Variants in SAMD3 observed in about 807,000 individuals in gnomAD.
SAMD3 encodes sterile alpha motif domain-containing protein 3.
In SAMD3, 63 loss-of-function variants were observed where a neutral mutation model predicts 58.5. That is an observed-to-expected ratio of 1.08 (90% CI 0.88 to 1.33). SAMD3 has a LOEUF of 1.33. SAMD3 is among the 40% of genes most tolerant of loss of function. SAMD3 has a pLI of 0.00. For synonymous variants in SAMD3, 220 were observed against 210.3 expected, an observed-to-expected ratio of 1.05 and a Z score of -0.40; for missense variants, 604 against 608.4, an observed-to-expected ratio of 0.99 and a Z score of 0.08.
chr6:130,252,818 G>A (rs908060891), intron 2 of SAMD3, among the ~76,000 whole-genome samples: 1 of 152,096 alleles, frequency 6.6e-6, no homozygotes, highest in African/African-American at 2.4e-5. Flanking sequence ...TCTGTGGAAG[G>A]GTTCTCTCGA....
intron 2 of SAMD3, among the ~76,000 whole-genome samples, chr6:130,292,271 C>T (rs67726903): frequency 0.37 from 41,576 of 113,464 alleles, 9,029 homozygotes; most frequent in African/African-American, 0.64. Context: ...TTCTTTCTTT[C>T]TTTTTTTTTT....
At chr6:130,326,576 G>C (rs974792583) in intron 1 of SAMD3, among the ~76,000 whole-genome samples, 1 of 151,914 alleles carries the variant, frequency 6.6e-6, no homozygotes. Context: ...TGCTCCTTTT[G>C]GGTAGGAATT....
At chr6:130,342,237 T>C (rs1234028639) in intron 1 of SAMD3, among the ~76,000 whole-genome samples, 1 of 152,232 alleles carries the variant, frequency 6.6e-6, no homozygotes, top group Admixed American at 6.5e-5. Flanking sequence ...GGTTAAGAAC[T>C]AGAGATTTAA....
chr6:130,274,855 C>G (rs1042666111), intron 2 of SAMD3, among the ~76,000 whole-genome samples: 1 of 151,220 alleles, frequency 6.6e-6, no homozygotes, highest in Non-Finnish European at 1.5e-5. Context: ...ATTGCAATGT[C>G]TCTTAAGACT....
Position 130,326,713 on chromosome 6 carries a change from C to T in SAMD3, c.-303-13620G>A, listed in dbSNP as rs115146240. Among the ~76,000 whole-genome samples the T allele has an allele frequency of 3.7e-3, 562 of 152,228 alleles. 2 individuals are homozygous for T. The highest frequency in any genetic ancestry group is 0.013 in the African/African-American group (537 of 41,536). ...AGGAATTTAGGATCGCCACTAATTA[C>T]GAGTGTGTCTGCCATAGCTAGGGCC... On this transcript the variant is annotated intron_variant, in intron 1 of 13. Transcript: ENST00000368134.
intron 1 of SAMD3, among the ~76,000 whole-genome samples, chr6:130,342,625 C>T (rs1251467112): frequency 1.3e-5 from 2 of 152,026 alleles, no homozygotes; most frequent in African/African-American, 4.8e-5. Context: ...CAGGAATAAA[C>T]ACCTCTTTTT....
At chr6:130,195,182 A>C (rs539787636) in intron 5 of SAMD3, among the ~76,000 whole-genome samples, 2 of 151,850 alleles carry the variant, frequency 1.3e-5, no homozygotes, top group East Asian at 1.9e-4. Context: ...CTTCTCCCCA[A>C]CCCAAAGCCT....
chr6:130,160,831 G>A lies in SAMD3; in HGVS notation c.823-5806C>T, dbSNP rs115876350. The A allele has an allele frequency of 1.7e-3, 259 of 152,120 alleles. 1 individual carries two copies. Among genetic ancestry groups the A allele is most frequent in the African/African-American group, 6.0e-3 (251 of 41,530 alleles). 9.4% of individuals were successfully genotyped at this position (152,120 alleles called of 1,614,324 possible). ...GAGTTTCAAATGTAAAATGTGGAAG[G>A]TGGTGAAAAGAAAAATAAAAATCTT... On this transcript the variant is annotated intron_variant, in intron 8 of 11. Transcript: ENST00000439090.
intron 2 of SAMD3, among the ~76,000 whole-genome samples, chr6:130,282,155 C>G (rs544918259): frequency 6.6e-6 from 1 of 152,010 alleles, no homozygotes; most frequent in Non-Finnish European, 1.5e-5. Context: ...CAAGCACACA[C>G]GCACACGTGC....
chr6:130,360,795 T>C (rs567435019), intron 1 of SAMD3, among the ~76,000 whole-genome samples: 36 of 152,266 alleles, frequency 2.4e-4, no homozygotes, highest in Admixed American at 6.5e-4. Context: ...CCATAGAAGA[T>C]GGCCACACCC....
At chr6:130,173,838 TTA>T (rs2114661492) in intron 8 of SAMD3, among the ~76,000 whole-genome samples, 2 of 152,282 alleles carry the variant, frequency 1.3e-5, no homozygotes, top group African/African-American at 4.8e-5. Context: ...GAGATGGGGA[TTA>T]TGTCTGTAAG....
At chr6:130,326,701 C>A (rs764397571) in intron 1 of SAMD3, among the ~76,000 whole-genome samples, 1 of 152,140 alleles carries the variant, frequency 6.6e-6, no homozygotes, top group Admixed American at 6.5e-5. Context: ...AATTTAGGAT[C>A]GCCACTAATT....
At chr6:130,151,729 C>T (rs1297661406) in intron 9 of SAMD3, among the ~76,000 whole-genome samples, 1 of 152,192 alleles carries the variant, frequency 6.6e-6, no homozygotes, top group African/African-American at 2.4e-5. Flanking sequence ...GCATGAGCCA[C>T]CATGCCTGGC....
chr6:130,243,036 C>A (rs1773416430), intron 2 of SAMD3, among the ~76,000 whole-genome samples: 1 of 152,140 alleles, frequency 6.6e-6, no homozygotes, highest in African/African-American at 2.4e-5. Context: ...AGTTTCACAT[C>A]ACAGAGGCAA....
intron 2 of SAMD3, among the ~76,000 whole-genome samples, chr6:130,301,179 A>G (rs1775735211): frequency 6.6e-6 from 1 of 152,148 alleles, no homozygotes; most frequent in African/African-American, 2.4e-5. Flanking sequence ...GTAGTATTTC[A>G]TGGTGTATAT....
At chr6:130,151,991 A>G (rs1316271344) in intron 9 of SAMD3, among the ~76,000 whole-genome samples, 1 of 152,228 alleles carries the variant, frequency 6.6e-6, no homozygotes, top group East Asian at 1.9e-4. Flanking sequence ...ATAATCTAAT[A>G]AAGTAAATGG....
At chr6:130,314,207 T>C (rs1157344565) in intron 1 of SAMD3, among the ~76,000 whole-genome samples, 3 of 152,208 alleles carry the variant, frequency 2.0e-5, no homozygotes, top group African/African-American at 7.2e-5. Context: ...CAAAAAACAC[T>C]CTTTTCATGT....
chr6:130,356,617 G>T (rs933604552), intron 1 of SAMD3, among the ~76,000 whole-genome samples: 1 of 152,198 alleles, frequency 6.6e-6, no homozygotes, highest in Non-Finnish European at 1.5e-5. Flanking sequence ...CATGAAAAGT[G>T]TATTGAATAA....
At chr6:130,326,961 A>G (rs1414206022) in intron 1 of SAMD3, among the ~76,000 whole-genome samples, 5 of 152,238 alleles carry the variant, frequency 3.3e-5, no homozygotes, top group Admixed American at 2.6e-4. Context: ...CAGGTTTTTA[A>G]TAATTGGATT....
Sources: allele counts gnomAD v4.1 joint callset (sites outside exome capture counted in the v4.1 genomes callset), GRCh38; gene constraint gnomAD v4.1.1; transcripts MANE v1.5; gene names NCBI Gene and HGNC (gene_info 2026-07-23, HGNC 2026-07-21).